CFAP69: variants seen among roughly 807,000 people sequenced by gnomAD.
CFAP69 encodes cilia- and flagella-associated protein 69.
CFAP69 carries 92 observed loss-of-function variants against 123.0 expected under a neutral mutation model. The observed-to-expected ratio is 0.75, with a 90% CI of 0.63 to 0.89. The LOEUF is 0.89. Among genes scored for constraint, CFAP69 ranks in the 40% least tolerant of loss-of-function variants. The pLI is 0.00. For synonymous variants in CFAP69, 380 were observed against 364.3 expected (o/e 1.04, Z -0.49); for missense variants, 1,067 against 1,096.9 (o/e 0.97, Z 0.39).
At chr7:90,315,303 A>G (rs576468983), downstream of CFAP69, among the ~76,000 whole-genome samples, 25 of 152,342 alleles carry the variant, frequency 1.6e-4, no homozygotes, top group African/African-American at 5.8e-4. Flanking sequence ...ACACACGCAC[A>G]TGAATGTTCA....
At chr7:90,272,153 G>C in intron 8 of CFAP69, 195 bp downstream of exon 8, 3 of 456,894 alleles carry the variant, frequency 6.6e-6, no homozygotes, top group Admixed American at 4.0e-5. Flanking sequence ...TATGTGGAAG[G>C]CTCTTGAAGT....
chr7:90,286,297 A>G lies in CFAP69; in HGVS notation c.1554A>G (p.Ile518Met), dbSNP rs2117131686. The change falls in exon 14 of 23, where the codon ATA becomes ATG. Residue 518 changes from isoleucine (I) to methionine (M), a missense_variant. Physicochemically the swap from Ile to Met is conservative, Grantham distance 10. Coordinates refer to ENST00000389297, the MANE Select transcript of CFAP69 (RefSeq NM_001039706.3). Reference protein sequence around the residue: ...IQQMIGIFKNIISKPNEKEEA... With the variant: ...IQQMIGIFKNMISKPNEKEEA... ...TCATACCAGGAATCTTTAAAAATAT[A>G]ATAAGCAAGCCTAATGAAAAGGAAG... 1 of 1,599,492 alleles carries G rather than the reference A, an allele frequency of 6.3e-7. No homozygotes were observed. Among genetic ancestry groups the G allele is most frequent in the Non-Finnish European group, 8.5e-7 (1 of 1,170,774 alleles).
Position 90,279,794 on chromosome 7 carries a change from G to A in CFAP69, c.1273G>A (p.Ala425Thr). 1 of 1,612,828 alleles carries A rather than the reference G, an allele frequency of 6.2e-7. No individual in the cohort carries two copies. The highest frequency in any genetic ancestry group is 8.5e-7 in the Non-Finnish European group (1 of 1,179,658). Residue 425 changes from alanine to threonine, a missense_variant, in exon 12 of 23, where the codon GCC becomes ACC. By Grantham distance (58) the Ala-to-Thr change is moderately conservative. Transcript: ENST00000389297. ...QHEELQLHAI[A>T]TLSSVAPLLI... ...TGAAGAATTACAACTGCATGCAATT[G>A]CCACTTTGTCATCAGTGGCTCCTTT... is the stretch of plus-strand genomic sequence containing the variant.
In CFAP69 at chr7:90,282,953, C is replaced by T; in HGVS notation, c.1434C>T (p.Ala478=). ...CAGGTGGCCGAGGCAACAAGTTTGC[C>T]CAGATGCGTTACAGTTTAAGACTCC... The part of the protein sequence containing the change: ...HGTGGRGNKF[A]QMRYSLRLLR... Residue 478 remains alanine (A), a synonymous_variant, in exon 13 of 23, where the codon GCC becomes GCT. Coordinates refer to ENST00000389297, the MANE Select transcript of CFAP69 (RefSeq NM_001039706.3). 2 of 1,596,738 alleles carry T rather than the reference C, an allele frequency of 1.3e-6. No individual in the cohort carries two copies. Among genetic ancestry groups the T allele is most frequent in the Non-Finnish European group, 1.7e-6 (2 of 1,172,318 alleles).
chr7:90,323,337 G>A, the CFAP69 span, among the ~76,000 whole-genome samples: 1 of 152,018 alleles, frequency 6.6e-6, no homozygotes, highest in Admixed American at 6.6e-5. Context: ...GGCGGATGGA[G>A]GCAAAGCATA....
At chr7:90,277,037 A>T (rs1788715800) in intron 9 of CFAP69, 36 bp from the exon 10 acceptor site, 1 of 1,421,620 alleles carries the variant, frequency 7.0e-7, no homozygotes, top group African/African-American at 1.5e-5. Flanking sequence ...CATCTTATTC[A>T]TTCATCTTTC....
intron 22 of CFAP69, 69 bp from the exon 23 acceptor site, chr7:90,309,999 T>C: frequency 7.8e-7 from 1 of 1,277,554 alleles, no homozygotes; most frequent in South Asian, 1.4e-5. Context: ...AGCTGAAGGA[T>C]GAATGAGTTT....
intron 15 of CFAP69, among the ~76,000 whole-genome samples, chr7:90,296,865 T>C (rs1178260563): frequency 1.3e-5 from 2 of 152,142 alleles, no homozygotes; most frequent in East Asian, 1.9e-4. Flanking sequence ...TGGGGATCAA[T>C]AGAAAGGAGT....
chr7:90,304,668 T>C (rs1584542615), intron 18 of CFAP69, 76 bp from the exon 19 acceptor site: 1 of 1,503,688 alleles, frequency 6.7e-7, no homozygotes, highest in East Asian at 2.3e-5. Flanking sequence ...GATAGATAGA[T>C]AGATAGATAG....
intron 5 of CFAP69, among the ~76,000 whole-genome samples, chr7:90,265,719 C>T (rs926267964): frequency 6.6e-6 from 1 of 152,104 alleles, no homozygotes; most frequent in Non-Finnish European, 1.5e-5. Flanking sequence ...AACATTTCAA[C>T]TTTGAACTCT....
intron 15 of CFAP69, among the ~76,000 whole-genome samples, chr7:90,294,923 T>G (rs4728879): frequency 0.52 from 79,281 of 151,578 alleles, 21,310 homozygotes; most frequent in Middle Eastern, 0.59. Flanking sequence ...AGCATTGCTT[T>G]TGGCAGTGTG....
chr7:90,257,681 T>C (rs138430484), intron 2 of CFAP69, among the ~76,000 whole-genome samples: 1 of 152,358 alleles, frequency 6.6e-6, no homozygotes, highest in Non-Finnish European at 1.5e-5. Context: ...GTTCCATCCA[T>C]GCTGCTACAA....
At chr7:90,308,633 G>A (rs542134502) in intron 21 of CFAP69, among the ~76,000 whole-genome samples, 139 of 152,190 alleles carry the variant, frequency 9.1e-4, no homozygotes, top group African/African-American at 3.2e-3. Context: ...GCTCACTCAA[G>A]GTACCAAGTT....
chr7:90,316,256 G>C, the CFAP69 span, among the ~76,000 whole-genome samples: 1 of 151,958 alleles, frequency 6.6e-6, no homozygotes, highest in South Asian at 2.1e-4. Context: ...AAAAATAATC[G>C]GTTATGAGCT....
intron 1 of CFAP69, among the ~76,000 whole-genome samples, 189 bp from the exon 2 acceptor site, chr7:90,255,233 AG>A (rs1449594814): frequency 6.6e-6 from 1 of 152,220 alleles, no homozygotes; most frequent in African/African-American, 2.4e-5. Flanking sequence ...AGAATTCAGG[AG>A]GGGTTTTTTA....
intron 9 of CFAP69, among the ~76,000 whole-genome samples, chr7:90,274,680 A>G (rs2116957919): frequency 6.6e-6 from 1 of 152,266 alleles, no homozygotes; most frequent in East Asian, 1.9e-4. Context: ...AGAAGTATCC[A>G]TTATTTCAAA....
At chr7:90,265,053 A>G (rs1035642215) in intron 4 of CFAP69, among the ~76,000 whole-genome samples, 16 of 152,102 alleles carry the variant, frequency 1.1e-4, no homozygotes, top group African/African-American at 3.6e-4. Flanking sequence ...CGGCCTCCCA[A>G]GGCGCTGGGA....
chr7:90,306,874 TAACTTTGTTA>T lies in CFAP69; in HGVS notation c.2266-16_2266-7del, dbSNP rs1793668316. On this transcript the variant is annotated splice_polypyrimidine_tract_variant and intron_variant, in intron 19 of 22. Coordinates refer to ENST00000389297, the MANE Select transcript of CFAP69 (RefSeq NM_001039706.3). ...TTGCATGATTTGTTTTTGGTTAATT[TAACTTTGTTA>T]AACTTTGTTATAACAGATTGGAGAA... 1 of 1,344,264 alleles carries T rather than the reference TAACTTTGTTA, an allele frequency of 7.4e-7. No individual in the cohort carries two copies. The highest frequency in any genetic ancestry group is 1.5e-5 in the African/African-American group (1 of 67,756). 83.3% of individuals were successfully genotyped at this position (1,344,264 alleles called of 1,614,324 possible). A position where few individuals can be genotyped will look rare whatever the true frequency, so the allele number is the denominator to read the frequency against.
At chr7:90,304,140 T>TAAGTGTATACACACA in intron 18 of CFAP69, 34 bp downstream of exon 18, 1 of 1,538,696 alleles carries the variant, frequency 6.5e-7, no homozygotes, top group Non-Finnish European at 8.8e-7. Context: ...CAAGAGTCTG[T>TAAGTGTATACACACA]TTTGCTAAGT....
Sources: gnomAD v4.1 joint callset for allele counts (sites outside exome capture counted in the v4.1 genomes callset) on GRCh38, gnomAD v4.1.1 for gene constraint, MANE v1.5 for transcripts, NCBI Gene and HGNC (gene_info 2026-07-23, HGNC 2026-07-21) for gene names.